VPS13B: variants seen among roughly 807,000 people sequenced by gnomAD.
The protein encoded by VPS13B is intermembrane lipid transfer protein VPS13B.
In VPS13B, 285 loss-of-function variants were observed where a neutral mutation model predicts 426.4. That is an observed-to-expected ratio of 0.67 (90% CI 0.61 to 0.74). The LOEUF (loss-of-function observed/expected upper bound fraction) is 0.74. VPS13B is among the 30% of genes least tolerant of loss of function. The probability of loss-of-function intolerance (pLI) is 0.00; values close to 1 mark genes in which losing one functional copy is unlikely to be tolerated. For synonymous variants in VPS13B, 1,676 were observed against 1,676.4 expected, an observed-to-expected ratio of 1.00 and a Z score of 0.01; for missense variants, 4,537 against 4,782.6, an observed-to-expected ratio of 0.95 and a Z score of 1.51.
intron 39 of VPS13B, among the ~76,000 whole-genome samples, chr8:99,764,909 A>G (rs1811134360): frequency 1.3e-5 from 2 of 152,134 alleles, no homozygotes; most frequent in African/African-American, 4.8e-5. Flanking sequence ...GTGCTTTGGA[A>G]TCTCTGTAAA....
rs142014123 is a variant in VPS13B at position 99,653,966 on chromosome 8, T to A, written c.5909-7388T>A. 4.2e-4 allele frequency among the ~76,000 whole-genome samples: 64 copies of A among 152,162 alleles called. 2 individuals are homozygous for A. The highest frequency in any genetic ancestry group is 1.9e-3 in the Admixed American group (29 of 15,280). ...GGGAGATGGTGGCACTTACCTTGCA[T>A]CCAGAGCAATTTGGAACTGGTTTCT... On this transcript the variant is annotated intron_variant, in intron 34 of 61. Transcript: ENST00000357162.
At chr8:99,310,582 G>A (rs935381388) in intron 19 of VPS13B, among the ~76,000 whole-genome samples, 4 of 152,084 alleles carry the variant, frequency 2.6e-5, no homozygotes, top group Admixed American at 6.6e-5. Context: ...TGCTGGATTC[G>A]GTTTGCCAGT....
intron 17 of VPS13B, among the ~76,000 whole-genome samples, chr8:99,207,384 A>G (rs1814791453): frequency 6.6e-6 from 1 of 152,150 alleles, no homozygotes; most frequent in Admixed American, 6.5e-5. Flanking sequence ...GCCTGACTTA[A>G]TTTTGTTCCT....
At chr8:99,365,005 G>A (rs1403189519) in intron 19 of VPS13B, among the ~76,000 whole-genome samples, 3 of 151,940 alleles carry the variant, frequency 2.0e-5, no homozygotes, top group Non-Finnish European at 4.4e-5. Context: ...TTCAGTCTTG[G>A]TAGGTTACAT....
intron 12 of VPS13B, among the ~76,000 whole-genome samples, chr8:99,140,106 C>T (rs543551266): frequency 7.6e-4 from 116 of 152,122 alleles, no homozygotes; most frequent in South Asian, 1.7e-3. Context: ...GTGGCTCATG[C>T]CTGTAATCCC....
chr8:99,249,836 T>C (rs1212494207), intron 17 of VPS13B, among the ~76,000 whole-genome samples: 2 of 152,040 alleles, frequency 1.3e-5, no homozygotes, highest in Non-Finnish European at 2.9e-5. Flanking sequence ...AGCCCAGGAG[T>C]TTGCCGAGGC....
chr8:99,364,902 G>A (rs1812764773), intron 19 of VPS13B, among the ~76,000 whole-genome samples: 1 of 152,034 alleles, frequency 6.6e-6, no homozygotes, highest in African/African-American at 2.4e-5. Context: ...CAAGCCATTT[G>A]GTTCTAGACT....
intron 3 of VPS13B, among the ~76,000 whole-genome samples, chr8:99,039,154 T>G (rs147568460): frequency 5.8e-4 from 89 of 152,340 alleles, no homozygotes; most frequent in African/African-American, 2.1e-3. Flanking sequence ...GCAGCCTAAT[T>G]GTGTCCGATT....
intron 2 of VPS13B, among the ~76,000 whole-genome samples, chr8:99,021,569 C>G (rs77634602): frequency 6.6e-6 from 1 of 151,106 alleles, no homozygotes; most frequent in Non-Finnish European, 1.5e-5. Flanking sequence ...TGCAGTGTGC[C>G]GAGATCATGC....
rs577449381 is a variant in VPS13B at position 99,184,434 on chromosome 8, T to C, written c.2334-8442T>C. On this transcript the variant is annotated intron_variant, in intron 16 of 61. Transcript: ENST00000357162. ...CCAGTGGGGTTGAAATAGTATCTCATGGTAGTTTTATAAGAATTCATTTTT... is the reference window on the plus strand; with the variant it reads ...CCAGTGGGGTTGAAATAGTATCTCACGGTAGTTTTATAAGAATTCATTTTT... Among the ~76,000 whole-genome samples the C allele has an allele frequency of 3.9e-3, 601 of 152,304 alleles. 6 individuals are homozygous for C. The highest frequency in any genetic ancestry group is 6.2e-3 in the Non-Finnish European group (419 of 68,018).
At chr8:99,296,902 A>T (rs1820070603) in intron 19 of VPS13B, among the ~76,000 whole-genome samples, 1 of 152,212 alleles carries the variant, frequency 6.6e-6, no homozygotes, top group South Asian at 2.1e-4. Context: ...TGAGAAATAA[A>T]GTTCTAATAT....
intron 3 of VPS13B, among the ~76,000 whole-genome samples, chr8:99,043,340 TATTAATAATC>T (rs1843058940): frequency 6.6e-6 from 1 of 152,140 alleles, no homozygotes; most frequent in Non-Finnish European, 1.5e-5. Flanking sequence ...TTTGGTAGAC[TATTAATAATC>T]AGTCTCTATT....
At chr8:99,862,058 G>T (rs1816865586) in intron 58 of VPS13B, 112 bp downstream of exon 58, 1 of 1,312,410 alleles carries the variant, frequency 7.6e-7, no homozygotes, top group Non-Finnish European at 1.0e-6. Flanking sequence ...GAAATGCTCA[G>T]AGAAGGTAAG....
At chr8:99,295,387 A>G (rs1819976165) in intron 19 of VPS13B, among the ~76,000 whole-genome samples, 1 of 152,218 alleles carries the variant, frequency 6.6e-6, no homozygotes, top group African/African-American at 2.4e-5. Context: ...AGAAGAATCT[A>G]AAGTGGTCAG....
At chr8:99,176,129 A>G (rs1812615683) in intron 16 of VPS13B, among the ~76,000 whole-genome samples, 1 of 151,482 alleles carries the variant, frequency 6.6e-6, no homozygotes, top group African/African-American at 2.4e-5. Flanking sequence ...ACTGTAAAAT[A>G]CTATAAACTT....
At chr8:99,216,544 G>A (rs966038434) in intron 17 of VPS13B, among the ~76,000 whole-genome samples, 9 of 151,814 alleles carry the variant, frequency 5.9e-5, no homozygotes, top group Non-Finnish European at 1.3e-4. Flanking sequence ...GAGGAGAATA[G>A]GGGAGTGCTA....
chr8:99,291,937 C>T (rs1354605013), intron 19 of VPS13B, among the ~76,000 whole-genome samples: 1 of 151,832 alleles, frequency 6.6e-6, no homozygotes, highest in Non-Finnish European at 1.5e-5. Context: ...GTAATTTTTC[C>T]TCTACAGTAT....
At chr8:99,384,538 A>G (rs1201417688) in intron 20 of VPS13B, among the ~76,000 whole-genome samples, 2 of 152,180 alleles carry the variant, frequency 1.3e-5, no homozygotes, top group South Asian at 2.1e-4. Context: ...TTTCTGTACA[A>G]TGGCTTACAA....
intron 17 of VPS13B, among the ~76,000 whole-genome samples, chr8:99,244,544 G>A (rs59148253): frequency 0.017 from 2,538 of 152,216 alleles, 65 homozygotes; most frequent in African/African-American, 0.058. Flanking sequence ...ACAAAAATTC[G>A]TATGGAGAAA....
Sources: allele counts gnomAD v4.1 joint callset (sites outside exome capture counted in the v4.1 genomes callset), GRCh38; gene constraint gnomAD v4.1.1; transcripts MANE v1.5; gene names NCBI Gene and HGNC (gene_info 2026-07-23, HGNC 2026-07-21).